Variants in SPECC1L observed in about 807,000 individuals in gnomAD.
SPECC1L encodes cytospin-A.
A neutral mutation model predicts 116.8 loss-of-function variants in SPECC1L; 40 were observed. The observed-to-expected ratio is 0.34, with a 90% CI of 0.27 to 0.45. The LOEUF (loss-of-function observed/expected upper bound fraction) is 0.45. Ranked by LOEUF, SPECC1L falls within the 20% of genes least tolerant of loss-of-function variation. The probability of loss-of-function intolerance (pLI) is 1.00; values close to 1 mark genes in which losing one functional copy is unlikely to be tolerated. For missense variants in SPECC1L, 1,110 were observed against 1,373.6 expected (o/e 0.81, Z 3.03); for synonymous variants, 504 against 500.6 (o/e 1.01, Z -0.09).
At position 24,415,003 on chromosome 22, in the gene SPECC1L, T is replaced by C. The variant is rs1183930155; in HGVS notation, c.*380T>C. On this transcript the variant is annotated 3_prime_UTR_variant, in exon 17 of 17. Coordinates refer to ENST00000314328, the MANE Select transcript of SPECC1L (RefSeq NM_015330.6). ...CAGTTCTGTGGGAAACTCACTAGGGTTGATGAAGGCTCGGCCGCGGCACTT... is the reference window on the plus strand; with the variant it reads ...CAGTTCTGTGGGAAACTCACTAGGGCTGATGAAGGCTCGGCCGCGGCACTT... The C allele has an allele frequency of 3.6e-6, 1 of 278,000 alleles. No homozygotes were observed. Among genetic ancestry groups the C allele is most frequent in the Non-Finnish European group, 7.1e-6 (1 of 140,064 alleles). The allele number at this position is 278,000 out of a possible 1,614,324, so 17.2% of individuals were successfully genotyped here. A position where few individuals can be genotyped will look rare whatever the true frequency, so the allele number is the denominator to read the frequency against.
chr22:24,288,638 TTTTTTTGGACATATCCTTGCTCTG>T (rs1351618841), intron 2 of SPECC1L, among the ~76,000 whole-genome samples: 1 of 134,012 alleles, frequency 7.5e-6, no homozygotes, highest in East Asian at 2.1e-4. Context: ...TTTTTTTTTT[TTTTTTTGGACATATCCTTGCTCTG>T]TTGCCCAGGC....
At chr22:24,324,663 C>T (rs959389416) in intron 6 of SPECC1L, among the ~76,000 whole-genome samples, 2 of 152,030 alleles carry the variant, frequency 1.3e-5, no homozygotes, top group African/African-American at 2.4e-5. Context: ...CCAGCCTGGC[C>T]AACATGGTAA....
chr22:24,412,937 GC>G (rs1335153153), intron 16 of SPECC1L, among the ~76,000 whole-genome samples: 1 of 152,096 alleles, frequency 6.6e-6, no homozygotes, highest in African/African-American at 2.4e-5. Context: ...CCCTAAGGAT[GC>G]CCCCTGAAAG....
At chr22:24,411,854 A>G (rs1237586678) in intron 15 of SPECC1L, 150 bp downstream of exon 15, 9 of 732,166 alleles carry the variant, frequency 1.2e-5, no homozygotes, top group Non-Finnish European at 2.5e-6. Flanking sequence ...CAGGTCATTC[A>G]TGCTGAGCCC....
intron 14 of SPECC1L, among the ~76,000 whole-genome samples, chr22:24,369,624 G>A (rs929698235): frequency 2.6e-5 from 4 of 152,130 alleles, no homozygotes; most frequent in African/African-American, 9.7e-5. Context: ...ACTTGAGCCT[G>A]GGAGGCAGAG....
At chr22:24,360,984 A>C (rs1256887832) in intron 11 of SPECC1L, among the ~76,000 whole-genome samples, 1 of 151,004 alleles carries the variant, frequency 6.6e-6, no homozygotes, top group East Asian at 1.9e-4. Context: ...TGTTCAAGAT[A>C]AGAACACTGT....
At chr22:24,353,178 A>G (rs2041459383) in intron 11 of SPECC1L, among the ~76,000 whole-genome samples, 1 of 152,202 alleles carries the variant, frequency 6.6e-6, no homozygotes, top group Admixed American at 6.5e-5. Context: ...AACCTACAGA[A>G]TTTATTTGAA....
At chr22:24,406,007 A>G (rs751365376) in intron 14 of SPECC1L, among the ~76,000 whole-genome samples, 2 of 152,086 alleles carry the variant, frequency 1.3e-5, no homozygotes, top group Non-Finnish European at 2.9e-5. Flanking sequence ...CAAGCTTCAT[A>G]CTGGTGGTGG....
chr22:24,317,098 C>T (rs1390438447), intron 4 of SPECC1L, among the ~76,000 whole-genome samples: 2 of 119,342 alleles, frequency 1.7e-5, no homozygotes, highest in African/African-American at 5.9e-5. Flanking sequence ...GACCCCCCCA[C>T]CTCCCTCCTG....
At chr22:24,329,615 G>A (rs1277762925) in intron 7 of SPECC1L, among the ~76,000 whole-genome samples, 1 of 152,122 alleles carries the variant, frequency 6.6e-6, no homozygotes, top group Non-Finnish European at 1.5e-5. Context: ...GCTCAGGCAT[G>A]CCCCAGCTAT....
At chr22:24,359,630 C>G (rs2041604042) in intron 11 of SPECC1L, among the ~76,000 whole-genome samples, 1 of 152,054 alleles carries the variant, frequency 6.6e-6, no homozygotes, top group African/African-American at 2.4e-5. Flanking sequence ...GCCTGCGTGA[C>G]TCTCGCTTGC....
At chr22:24,371,886 T>C (rs1384838696) in intron 14 of SPECC1L, among the ~76,000 whole-genome samples, 1 of 152,198 alleles carries the variant, frequency 6.6e-6, no homozygotes, top group Non-Finnish European at 1.5e-5. Context: ...CATGCCCAGC[T>C]AATTTTTGTA....
chr22:24,316,274 TTTTA>T (rs71189243), intron 4 of SPECC1L, among the ~76,000 whole-genome samples: 9,980 of 149,186 alleles, frequency 0.067, 1,155 homozygotes, highest in African/African-American at 0.23. Context: ...CAGATTTTCT[TTTTA>T]TTTATTTATT....
At chr22:24,334,020 T>TG (rs1190924895) in intron 8 of SPECC1L, among the ~76,000 whole-genome samples, 4 of 151,252 alleles carry the variant, frequency 2.6e-5, no homozygotes, top group African/African-American at 9.7e-5. Flanking sequence ...TGTTGTTTTT[T>TG]TTTTTTTTTT....
chr22:24,390,872 C>CTTTTTTTTTTTTTTT (rs1016008966), intron 14 of SPECC1L, among the ~76,000 whole-genome samples: 105 of 57,134 alleles, frequency 1.8e-3, no homozygotes, highest in Middle Eastern at 0.014. Flanking sequence ...TTTTTCTTTT[C>CTTTTTTTTTTTTTTT]TTTTTTTTTT....
chr22:24,321,865 C>T lies in SPECC1L; in HGVS notation c.885C>T (p.Ser295=). ...SEKLFGYQSL[S]PEITPGNQSD... The stretch of plus-strand genomic sequence containing the variant: ...AACTGTTTGGCTATCAGTCCCTGAG[C>T]CCAGAAATCACCCCTGGTAACCAGA... The change falls in exon 5 of 17, where the codon AGC becomes AGT. Residue 295 remains serine, a synonymous_variant. Transcript: ENST00000314328. The T allele has an allele frequency of 1.2e-6, 2 of 1,614,222 alleles. No homozygotes were observed. Among genetic ancestry groups the T allele is most frequent in the African/African-American group, 1.3e-5 (1 of 75,058 alleles).
rs1038629616 is a variant in SPECC1L, at chr22:24,346,049, C to T, written c.2653-1037C>T. ...TGAGATGGAGTCTCACAATGTCACC[C>T]GGGCTGGAGTGCAGTGGCGCGATCT... On this transcript the variant is annotated intron_variant, in intron 10 of 16. Transcript: ENST00000314328. 9.9e-5 allele frequency among the ~76,000 whole-genome samples: 15 copies of T among 151,410 alleles called. 1 individual carries two copies. The highest frequency in any genetic ancestry group is 3.9e-4 in the Admixed American group (6 of 15,198).
rs189276271 is a variant in SPECC1L at position 24,416,618 on chromosome 22, T to C, written c.*1995T>C. On this transcript the variant is annotated 3_prime_UTR_variant, in exon 17 of 17. Coordinates refer to ENST00000314328, the MANE Select transcript of SPECC1L (RefSeq NM_015330.6). Reference sequence around the variant, plus strand: ...TGGTCATGGTTTGGTTTATTTATTTTGTCCTTCAGGGGCTGTTTTGCCCTA... The same window carrying C: ...TGGTCATGGTTTGGTTTATTTATTTCGTCCTTCAGGGGCTGTTTTGCCCTA... The C allele has an allele frequency of 6.6e-6, 1 of 152,412 alleles. No homozygotes were observed. Among genetic ancestry groups the C allele is most frequent in the African/African-American group, 2.4e-5 (1 of 41,586 alleles). 9.4% of individuals were successfully genotyped at this position (152,412 alleles called of 1,614,324 possible). A position where few individuals can be genotyped will look rare whatever the true frequency, so the allele number is the denominator to read the frequency against.
chr22:24,343,474 T>C (rs997639938), intron 10 of SPECC1L: 22 of 449,810 alleles, frequency 4.9e-5, no homozygotes, highest in African/African-American at 4.0e-4. Flanking sequence ...TTGTTTTGTT[T>C]TTTTGAGATG....
Sources: gnomAD v4.1 joint callset for allele counts (sites outside exome capture counted in the v4.1 genomes callset) on GRCh38, gnomAD v4.1.1 for gene constraint, MANE v1.5 for transcripts, NCBI Gene and HGNC (gene_info 2026-07-23, HGNC 2026-07-21) for gene names.